The following FREM1 variants were observed in gnomAD, a reference collection of about 807,000 sequenced individuals.
FREM1 encodes FRAS1-related extracellular matrix protein 1.
A neutral mutation model predicts 210.1 loss-of-function variants in FREM1; 220 were observed. The observed-to-expected ratio is 1.05, with a 90% CI of 0.94 to 1.17. The LOEUF is 1.17. Ranked by LOEUF, FREM1 falls within the 50% of genes most tolerant of loss-of-function variation. FREM1 has a pLI of 0.00. For synonymous variants in FREM1, 1,189 were observed against 980.2 expected (o/e 1.21, Z -3.98); for missense variants, 3,454 against 2,675.5 (o/e 1.29, Z -6.42).
At chr9:14,844,307 C>T (rs575430325) in intron 8 of FREM1, among the ~76,000 whole-genome samples, 1 of 151,836 alleles carries the variant, frequency 6.6e-6, no homozygotes, top group East Asian at 1.9e-4. Flanking sequence ...CTCACTGCAA[C>T]CTCCACCTCC....
At chr9:14,746,308 T>G in intron 35 of FREM1, 45 bp downstream of exon 35, 1 of 1,339,008 alleles carries the variant, frequency 7.5e-7, no homozygotes, top group Non-Finnish European at 1.1e-6. Context: ...AATAGAGAAA[T>G]AGAGAAAAGA....
intron 20 of FREM1, among the ~76,000 whole-genome samples, chr9:14,799,435 T>C (rs1399153362): frequency 1.3e-5 from 2 of 152,154 alleles, no homozygotes; most frequent in Non-Finnish European, 2.9e-5. Context: ...AAAATAGAGG[T>C]GAAAATCTAA....
chr9:14,800,639 T>C (rs892014472), intron 20 of FREM1, among the ~76,000 whole-genome samples: 5 of 152,192 alleles, frequency 3.3e-5, no homozygotes, highest in African/African-American at 7.2e-5. Flanking sequence ...TTTTTTTTAC[T>C]ATAGCATTAA....
chr9:14,782,561 G>A (rs1470869772), intron 24 of FREM1, among the ~76,000 whole-genome samples: 2 of 152,138 alleles, frequency 1.3e-5, no homozygotes, highest in Non-Finnish European at 2.9e-5. Flanking sequence ...TGATACAAAT[G>A]TATTAAGCCA....
Position 14,747,268 on chromosome 9 carries a change from C to A in FREM1, c.6005G>T (p.Arg2002Ile), listed in dbSNP as rs746516776. Residue 2002 changes from arginine to isoleucine, a missense_variant, in exon 33 of 37, where the codon AGA (arginine) becomes ATA (isoleucine). Coordinates refer to ENST00000380880, the MANE Select transcript of FREM1 (RefSeq NM_001379081.2). ...VESTTDSHFP[R>I]QDQLPSFPKN... ...AAGGAACAAAGATTTTCATACCTGTCTGGGGAAGTGTGAGTCAGTTGTGGA... is the reference window on the plus strand; with the variant it reads ...AAGGAACAAAGATTTTCATACCTGTATGGGGAAGTGTGAGTCAGTTGTGGA... 3.1e-6 allele frequency: 5 copies of A among 1,611,376 alleles called. No homozygotes were observed. In the South Asian group the frequency reaches 5.5e-5, roughly 18 times the overall value.
intron 3 of FREM1, among the ~76,000 whole-genome samples, chr9:14,861,186 CATATAT>C: frequency 8.5e-6 from 1 of 117,410 alleles, no homozygotes; most frequent in African/African-American, 3.8e-5. Context: ...CATATATACA[CATATAT>C]ACATATATAC....
At chr9:14,879,880 G>C (rs964451732) in intron 1 of FREM1, among the ~76,000 whole-genome samples, 1 of 152,178 alleles carries the variant, frequency 6.6e-6, no homozygotes, top group African/African-American at 2.4e-5. Context: ...GGTACAATAT[G>C]ATAGGGGCAA....
intron 7 of FREM1, among the ~76,000 whole-genome samples, chr9:14,846,995 C>T (rs10810270): frequency 0.11 from 16,086 of 152,180 alleles, 983 homozygotes; most frequent in East Asian, 0.23. Flanking sequence ...GCTGATCAGG[C>T]CCTGCACCAG....
intron 1 of FREM1, among the ~76,000 whole-genome samples, chr9:14,880,656 G>A (rs183497399): frequency 4.7e-4 from 71 of 150,262 alleles, no homozygotes; most frequent in African/African-American, 1.7e-3. Flanking sequence ...ATGTAAAATT[G>A]CATGTGTGTT....
rs1022314852 is a variant in FREM1 at position 14,770,902 on chromosome 9, C to T, written c.4858-96G>A. On this transcript the variant is annotated intron_variant, in intron 25 of 36. Transcript: ENST00000380880. ...GGTTCAACAATGACACACTGTCCCA[C>T]GTTTTGGATTCCTTATACTCCTCAC... 9.5e-5 allele frequency: 79 copies of T among 828,020 alleles called. No individual in the cohort carries two copies. The African/African-American group carries it at 1.1e-3, about 12-fold the overall frequency. The allele number at this position is 828,020 out of a possible 1,614,324, so 51.3% of individuals were successfully genotyped here.
At chr9:14,901,268 G>A (rs547085035) in intron 1 of FREM1, among the ~76,000 whole-genome samples, 82 of 152,282 alleles carry the variant, frequency 5.4e-4, no homozygotes, top group African/African-American at 1.9e-3. Context: ...ATCATCTGCT[G>A]TAAAGAAGAA....
At position 14,737,569 on chromosome 9, in the gene FREM1, G is replaced by A. The variant is rs1217333390; in HGVS notation, c.6367C>T (p.His2123Tyr). 5 of 1,590,518 alleles carry A rather than the reference G, an allele frequency of 3.1e-6. No homozygotes were observed. In the South Asian group the frequency reaches 5.7e-5, roughly 18 times the overall value. ...GGTTCACCACCGATCCACTCCCAGT[G>A]GCCAGCATGCACTTGGTCGTTCAAA... ...IGLNDQVHAG[H>Y]WEWIGGEPVA... Residue 2123 changes from histidine to tyrosine, a missense_variant, in exon 37 of 37, where the codon CAC becomes TAC. Coordinates refer to ENST00000380880, the MANE Select transcript of FREM1 (RefSeq NM_001379081.2).
chr9:14,827,929 T>C (rs1166596221), intron 10 of FREM1, among the ~76,000 whole-genome samples: 1 of 152,162 alleles, frequency 6.6e-6, no homozygotes, highest in East Asian at 1.9e-4. Flanking sequence ...TTGGCACAAA[T>C]ACCAACTCTG....
chr9:14,814,311 C>T (rs929689843), intron 15 of FREM1, among the ~76,000 whole-genome samples: 1 of 152,124 alleles, frequency 6.6e-6, no homozygotes. Context: ...GGCCTGTGAC[C>T]TCTAGAAGAA....
At chr9:14,778,659 G>A (rs1158809705) in intron 24 of FREM1, among the ~76,000 whole-genome samples, 19 of 87,462 alleles carry the variant, frequency 2.2e-4, no homozygotes, top group African/African-American at 7.9e-4. Context: ...GAAGGGAGGG[G>A]AGGGAGGGGA....
At chr9:14,763,849 G>A (rs1845940678) in intron 27 of FREM1, among the ~76,000 whole-genome samples, 1 of 152,178 alleles carries the variant, frequency 6.6e-6, no homozygotes. Flanking sequence ...GGTTCATTGT[G>A]ATAACCCAGG....
intron 27 of FREM1, among the ~76,000 whole-genome samples, chr9:14,767,086 T>C (rs1429037686): frequency 6.6e-6 from 1 of 152,196 alleles, no homozygotes. Flanking sequence ...GCTCCCATTT[T>C]ACAGAAGAGA....
At chr9:14,767,209 A>G (rs2132421967) in intron 27 of FREM1, among the ~76,000 whole-genome samples, 1 of 152,282 alleles carries the variant, frequency 6.6e-6, no homozygotes, top group South Asian at 2.1e-4. Flanking sequence ...AGTGTGTTAG[A>G]TACGAAGTGC....
Position 14,744,718 on chromosome 9 carries a change from A to G in FREM1, c.6254+1635T>C, listed in dbSNP as rs540749533. Among the ~76,000 whole-genome samples, 56 of 152,320 alleles carry G rather than the reference A, an allele frequency of 3.7e-4. 1 individual carries two copies. The highest frequency in any genetic ancestry group is 3.1e-3 in the Admixed American group (47 of 15,298). ...AAGTTATTATACAACATTTTTATGAAGCTTTTTTAGTATGTATTTTTATTT... is the reference window on the plus strand; with the variant it reads ...AAGTTATTATACAACATTTTTATGAGGCTTTTTTAGTATGTATTTTTATTT... On this transcript the variant is annotated intron_variant, in intron 35 of 36. Coordinates refer to ENST00000380880, the MANE Select transcript of FREM1 (RefSeq NM_001379081.2).
Sources: allele counts gnomAD v4.1 joint callset (sites outside exome capture counted in the v4.1 genomes callset), GRCh38; gene constraint gnomAD v4.1.1; transcripts MANE v1.5; gene names NCBI Gene and HGNC (gene_info 2026-07-23, HGNC 2026-07-21).